The following YEATS2 variants were observed in gnomAD, a reference collection of about 807,000 sequenced individuals.
The protein encoded by YEATS2 is YEATS domain-containing protein 2.
YEATS2 carries 77 observed loss-of-function variants against 163.2 expected under a neutral mutation model. That is an observed-to-expected ratio of 0.47 (90% CI 0.39 to 0.57). The LOEUF (loss-of-function observed/expected upper bound fraction) is 0.57. YEATS2 is among the 20% of genes least tolerant of loss of function. The pLI is 0.00. For missense variants in YEATS2, 1,549 were observed against 1,729.8 expected, an observed-to-expected ratio of 0.90 and a Z score of 1.85; for synonymous variants, 631 against 645.1, an observed-to-expected ratio of 0.98 and a Z score of 0.33.
At chr3:183,714,326 G>T (rs1352433889) in intron 1 of YEATS2, among the ~76,000 whole-genome samples, 1 of 151,310 alleles carries the variant, frequency 6.6e-6, no homozygotes, top group Non-Finnish European at 1.5e-5. Flanking sequence ...CTCCCGAGTA[G>T]CTGGGACTAC....
At chr3:183,798,859 T>G in intron 22 of YEATS2, 32 bp from the exon 23 acceptor site, 1 of 1,527,288 alleles carries the variant, frequency 6.5e-7, no homozygotes. Flanking sequence ...TTTTTGTATT[T>G]GTTATATCCC....
At chr3:183,755,247 A>G (rs1041645950) in intron 11 of YEATS2, among the ~76,000 whole-genome samples, 8 of 152,088 alleles carry the variant, frequency 5.3e-5, no homozygotes, top group African/African-American at 1.7e-4. Context: ...CCTCCCAAGT[A>G]GCTGGGACTG....
chr3:183,707,990 C>G (rs1714793828), intron 1 of YEATS2, among the ~76,000 whole-genome samples: 1 of 151,962 alleles, frequency 6.6e-6, no homozygotes. Context: ...CCCTCCCCAA[C>G]TTTAAACCAG....
chr3:183,784,602 A>G (rs970221927), intron 19 of YEATS2, among the ~76,000 whole-genome samples: 1 of 151,890 alleles, frequency 6.6e-6, no homozygotes, highest in Admixed American at 6.6e-5. Flanking sequence ...TTTTTAGTTT[A>G]ATTAGGTCCC....
At chr3:183,777,421 A>C in intron 18 of YEATS2, 121 bp from the exon 19 acceptor site, 1 of 1,073,948 alleles carries the variant, frequency 9.3e-7, no homozygotes, top group Non-Finnish European at 1.3e-6. Flanking sequence ...ACATTGCAGA[A>C]TTAAAGGGGA....
At chr3:183,774,152 G>A (rs1223275908) in intron 17 of YEATS2, among the ~76,000 whole-genome samples, 2 of 152,180 alleles carry the variant, frequency 1.3e-5, no homozygotes, top group Non-Finnish European at 2.9e-5. Context: ...TTTGGGGATA[G>A]GTTGGCATAG....
intron 17 of YEATS2, among the ~76,000 whole-genome samples, chr3:183,774,307 C>T (rs1049951567): frequency 8.5e-5 from 13 of 152,180 alleles, no homozygotes; most frequent in African/African-American, 3.1e-4. Flanking sequence ...ATCAGATTCT[C>T]ACAGGAGCGC....
chr3:183,799,524 G>T (rs943765975), intron 23 of YEATS2, among the ~76,000 whole-genome samples: 2 of 152,298 alleles, frequency 1.3e-5, no homozygotes, highest in South Asian at 2.1e-4. Flanking sequence ...CTCATTTGGG[G>T]AGTATACTCA....
intron 19 of YEATS2, among the ~76,000 whole-genome samples, chr3:183,781,701 G>A (rs554168688): frequency 3.9e-5 from 6 of 152,100 alleles, no homozygotes; most frequent in South Asian, 2.1e-4. Context: ...GATCATAAGC[G>A]TAGATCTCCA....
At chr3:183,807,181 G>T in intron 28 of YEATS2, 89 bp downstream of exon 28, 1 of 1,205,150 alleles carries the variant, frequency 8.3e-7, no homozygotes, top group Non-Finnish European at 1.2e-6. Flanking sequence ...AGACCCAGGT[G>T]TTCAGCCTCA....
At chr3:183,757,457 A>G (rs1188761029) in intron 12 of YEATS2, among the ~76,000 whole-genome samples, 1 of 150,020 alleles carries the variant, frequency 6.7e-6, no homozygotes, top group Non-Finnish European at 1.5e-5. Flanking sequence ...CGCCCAGCTA[A>G]TTTTTGTATT....
chr3:183,698,398 C>T (rs554013487), intron 1 of YEATS2, among the ~76,000 whole-genome samples: 1 of 152,278 alleles, frequency 6.6e-6, no homozygotes, highest in South Asian at 2.1e-4. Flanking sequence ...GCCATCCCCA[C>T]CGGGCCTCCC....
At chr3:183,724,325 A>G (rs1716840295) in intron 5 of YEATS2, 94 bp from the exon 6 acceptor site, 12 of 907,130 alleles carry the variant, frequency 1.3e-5, no homozygotes, top group Non-Finnish European at 2.0e-5. Context: ...AAAAAAACTT[A>G]GTTATTCCAT....
chr3:183,716,779 C>T (rs1715923716), intron 2 of YEATS2, among the ~76,000 whole-genome samples: 1 of 152,120 alleles, frequency 6.6e-6, no homozygotes, highest in Non-Finnish European at 1.5e-5. Context: ...TACTGAGTGA[C>T]AATCTGCTAT....
intron 2 of YEATS2, among the ~76,000 whole-genome samples, 191 bp from the exon 3 acceptor site, chr3:183,717,460 A>G (rs545730471): frequency 6.6e-6 from 1 of 152,328 alleles, no homozygotes; most frequent in South Asian, 2.1e-4. Flanking sequence ...GCATGATACT[A>G]GAAAGTACAC....
chr3:183,803,701 T>C, intron 26 of YEATS2: 1 of 493,050 alleles, frequency 2.0e-6, no homozygotes, highest in Non-Finnish European at 3.6e-6. Context: ...GGGAAGGTGC[T>C]GTGGTGAGTT....
chr3:183,808,932 T>A, intron 29 of YEATS2, 165 bp from the exon 30 acceptor site: 1 of 561,340 alleles, frequency 1.8e-6, no homozygotes, highest in Non-Finnish European at 3.2e-6. Context: ...ATCATGGCCT[T>A]TATCATTATG....
At chr3:183,763,352 A>C (rs1000343987) in intron 15 of YEATS2, among the ~76,000 whole-genome samples, 1 of 152,198 alleles carries the variant, frequency 6.6e-6, no homozygotes, top group Admixed American at 6.5e-5. Context: ...AACATATCTA[A>C]ATATAGAAAA....
intron 29 of YEATS2, 29 bp from the exon 30 acceptor site, chr3:183,809,068 T>A (rs1310642213): frequency 6.2e-7 from 1 of 1,613,218 alleles, no homozygotes; most frequent in African/African-American, 1.3e-5. Context: ...AGATGGCCAT[T>A]TGAAGAATAA....
Sources: allele counts gnomAD v4.1 joint callset (sites outside exome capture counted in the v4.1 genomes callset), GRCh38; gene constraint gnomAD v4.1.1; transcripts MANE v1.5; gene names NCBI Gene and HGNC (gene_info 2026-07-23, HGNC 2026-07-21).